Variants in PIGN observed in about 807,000 individuals in gnomAD.
PIGN encodes GPI ethanolamine phosphate transferase 1.
Under a neutral mutation model 125.4 loss-of-function variants are expected in PIGN, and 117 were observed. The observed-to-expected ratio is 0.93, with a 90% CI of 0.80 to 1.09. PIGN has a LOEUF of 1.09. Among genes scored for constraint, PIGN ranks in the 50% least tolerant of loss-of-function variants. The pLI is 0.00. For missense variants in PIGN, 1,075 were observed against 1,094.9 expected (o/e 0.98, Z 0.26); for synonymous variants, 392 against 377.8 (o/e 1.04, Z -0.44).
At position 62,076,968 on chromosome 18, in the gene PIGN, C is replaced by T. The variant is rs147623076; in HGVS notation, c.2577-2147G>A. Among the ~76,000 whole-genome samples, 31 of 152,320 alleles carry T rather than the reference C, an allele frequency of 2.0e-4. 1 individual carries two copies. In the East Asian group the frequency reaches 6.0e-3, roughly 29 times the overall value. On this transcript the variant is annotated intron_variant, in intron 28 of 30. Coordinates refer to ENST00000640252, the MANE Select transcript of PIGN (RefSeq NM_176787.5). The stretch of plus-strand genomic sequence containing the variant: ...AGTGGTTGCAGCAACAGAATCCACT[C>T]CATTTTCAGCAGCTCCAATTACTGC...
downstream of PIGN, among the ~76,000 whole-genome samples, chr18:62,039,714 T>G (rs1325553946): frequency 2.3e-5 from 2 of 86,234 alleles, no homozygotes; most frequent in South Asian, 4.1e-4. Context: ...TAGGGCCCCA[T>G]CCAGGGTGCC....
intron 28 of PIGN, among the ~76,000 whole-genome samples, chr18:62,082,336 C>A (rs1848301947): frequency 6.6e-6 from 1 of 152,014 alleles, no homozygotes; most frequent in South Asian, 2.1e-4. Flanking sequence ...GTTAGAGTAT[C>A]TTTTGCTTTT....
intron 23 of PIGN, among the ~76,000 whole-genome samples, chr18:62,018,138 G>T (rs1284932413): frequency 1.3e-5 from 2 of 152,198 alleles, no homozygotes; most frequent in Non-Finnish European, 2.9e-5. Context: ...GAGGTCAAGT[G>T]AAAACTAGAG....
rs116885190 is a variant in PIGN, at chr18:62,102,938, A to C, written c.1860-36T>G. 3,558 of 1,221,886 alleles carry C rather than the reference A, an allele frequency of 2.9e-3. 7 individuals are homozygous for C. The highest frequency in any genetic ancestry group is 3.5e-3 in the Non-Finnish European group (3,056 of 879,550). The allele number at this position is 1,221,886 out of a possible 1,614,324, so 75.7% of individuals were successfully genotyped here. A position where few individuals can be genotyped will look rare whatever the true frequency, so the allele number is the denominator to read the frequency against. On this transcript the variant is annotated intron_variant, in intron 20 of 30. Transcript: ENST00000640252. ...ATACAATTAATTTTAAATTTTCTTC[A>C]GATATTTACGAACACATATCAGATG...
intron 16 of PIGN, among the ~76,000 whole-genome samples, chr18:62,110,745 A>G (rs562674834): frequency 2.0e-5 from 3 of 152,020 alleles, no homozygotes; most frequent in Non-Finnish European, 4.4e-5. Context: ...AGGCCCCACA[A>G]TCACATAAGC....
chr18:62,045,818 G>T lies in PIGN; in HGVS notation c.*38C>A, dbSNP rs756388509. On this transcript the variant is annotated 3_prime_UTR_variant, in exon 31 of 31. Coordinates refer to ENST00000640252, the MANE Select transcript of PIGN (RefSeq NM_176787.5). Reference sequence around the variant, plus strand: ...TTGATGAGATTTTAGCTTAAAAGGAGAATCAGGATCCAGATGCTGAATGGT... The same window carrying T: ...TTGATGAGATTTTAGCTTAAAAGGATAATCAGGATCCAGATGCTGAATGGT... The T allele has an allele frequency of 6.2e-7, 1 of 1,607,716 alleles. No individual in the cohort carries two copies. The highest frequency in any genetic ancestry group is 1.1e-5 in the South Asian group (1 of 90,512).
At chr18:62,133,734 T>C (rs1377846910) in intron 14 of PIGN, among the ~76,000 whole-genome samples, 1 of 152,230 alleles carries the variant, frequency 6.6e-6, no homozygotes, top group African/African-American at 2.4e-5. Context: ...TCCAATTACA[T>C]ATTCTACTGA....
At chr18:62,181,771 G>A (rs541446175) in intron 1 of PIGN, among the ~76,000 whole-genome samples, 1 of 152,130 alleles carries the variant, frequency 6.6e-6, no homozygotes, top group South Asian at 2.1e-4. Context: ...CTATCGCCCA[G>A]GCTGGAGTGC....
intron 30 of PIGN, among the ~76,000 whole-genome samples, chr18:62,055,520 T>G (rs1167672363): frequency 2.6e-5 from 4 of 152,194 alleles, no homozygotes; most frequent in African/African-American, 9.7e-5. Context: ...GTGCCTGGGC[T>G]ATAAAGGGCA....
At chr18:62,180,193 C>T (rs571732569) in intron 1 of PIGN, among the ~76,000 whole-genome samples, 7 of 152,124 alleles carry the variant, frequency 4.6e-5, no homozygotes, top group African/African-American at 1.4e-4. Flanking sequence ...GAATACAGTA[C>T]AATAGGATTG....
At chr18:62,067,809 C>T (rs1026242150) in intron 30 of PIGN, among the ~76,000 whole-genome samples, 2 of 152,178 alleles carry the variant, frequency 1.3e-5, no homozygotes, top group African/African-American at 4.8e-5. Context: ...TTTCAGCATA[C>T]GTATGTTTTG....
At chr18:62,078,084 T>C (rs2033264385) in intron 28 of PIGN, among the ~76,000 whole-genome samples, 1 of 152,208 alleles carries the variant, frequency 6.6e-6, no homozygotes, top group Non-Finnish European at 1.5e-5. Flanking sequence ...AGTCATATTC[T>C]GAGGTACTTG....
chr18:62,146,869 A>G, intron 9 of PIGN, 102 bp downstream of exon 9: 2 of 1,159,878 alleles, frequency 1.7e-6, no homozygotes, highest in Non-Finnish European at 2.4e-6. Flanking sequence ...GACATTTTGT[A>G]TACAGCAAGA....
intron 11 of PIGN, among the ~76,000 whole-genome samples, chr18:62,141,625 T>C (rs1390932324): frequency 6.6e-6 from 1 of 152,206 alleles, no homozygotes; most frequent in Admixed American, 6.5e-5. Flanking sequence ...CTAGTCACCT[T>C]TTCCTTTTCC....
At chr18:62,166,509 G>A (rs1394114904) in intron 1 of PIGN, among the ~76,000 whole-genome samples, 1 of 152,138 alleles carries the variant, frequency 6.6e-6, no homozygotes, top group Admixed American at 6.5e-5. Flanking sequence ...ATTTCTCAAG[G>A]ATCTAGAACA....
chr18:62,098,769 C>T (rs1348856337), intron 22 of PIGN, among the ~76,000 whole-genome samples: 1 of 152,112 alleles, frequency 6.6e-6, no homozygotes, highest in African/African-American at 2.4e-5. Flanking sequence ...CTAGCTCTAC[C>T]AATCCCAAGG....
intron 6 of PIGN, among the ~76,000 whole-genome samples, chr18:62,156,355 G>A (rs981643652): frequency 1.5e-4 from 23 of 151,964 alleles, no homozygotes; most frequent in African/African-American, 5.3e-4. Flanking sequence ...TTGAGATAGG[G>A]TGTTGCTCTG....
intron 3 of PIGN, among the ~76,000 whole-genome samples, chr18:62,161,731 C>T (rs1171555870): frequency 1.3e-5 from 2 of 152,124 alleles, no homozygotes; most frequent in Non-Finnish European, 1.5e-5. Context: ...AAAGAGTTAG[C>T]GTTCAGCCAA....
chr18:62,159,078 T>G (rs1247616571), intron 4 of PIGN, among the ~76,000 whole-genome samples: 1 of 152,166 alleles, frequency 6.6e-6, no homozygotes, highest in African/African-American at 2.4e-5. Flanking sequence ...ACCCCGTCTC[T>G]ACCAAAGGTA....
Sources: gnomAD v4.1 joint callset for allele counts (sites outside exome capture counted in the v4.1 genomes callset) on GRCh38, gnomAD v4.1.1 for gene constraint, MANE v1.5 for transcripts, NCBI Gene and HGNC (gene_info 2026-07-23, HGNC 2026-07-21) for gene names.